Variants in PNPLA5 observed in about 807,000 individuals in gnomAD.
PNPLA5 encodes the protein patatin like domain 5, triacylglycerol lipase, also known as patatin-like phospholipase domain-containing protein 5.
Under a neutral mutation model 49.1 loss-of-function variants are expected in PNPLA5, and 44 were observed. That is an observed-to-expected ratio of 0.90 (90% confidence interval 0.70 to 1.15). The LOEUF (loss-of-function observed/expected upper bound fraction) is 1.15, where lower values mean the gene tolerates loss of function less well. Among genes scored for constraint, PNPLA5 ranks in the 50% most tolerant of loss-of-function variants. PNPLA5 has a pLI of 0.00. For missense variants in PNPLA5, 603 were observed against 564.0 expected (o/e 1.07, Z -0.70); for synonymous variants, 243 against 244.4 (o/e 0.99, Z 0.06).
rs2049701208 is a variant in PNPLA5 at position 43,889,546 on chromosome 22, T to C, written c.493-8A>G. The C allele has an allele frequency of 6.3e-7, 1 of 1,596,960 alleles. No individual in the cohort carries two copies. Among genetic ancestry groups the C allele is most frequent in the East Asian group, 2.2e-5 (1 of 44,662 alleles). On this transcript the variant is annotated splice_region_variant and splice_polypyrimidine_tract_variant and intron_variant, in intron 3 of 8. Coordinates refer to ENST00000216177, the MANE Select transcript of PNPLA5 (RefSeq NM_138814.4). ...AGCCCCATCGATGTAGCGCTGCAAT[T>C]TGTGGGGAGCAGGTGGGTGGTGCTG...
intron 3 of PNPLA5, 40 bp from the exon 4 acceptor site, chr22:43,889,578 C>A: frequency 6.4e-7 from 1 of 1,563,584 alleles, no homozygotes; most frequent in South Asian, 1.2e-5. Context: ...GCTGCCCTCT[C>A]AGAGGGCCTC....
chr22:43,888,384 G>GTGTC lies in PNPLA5; in HGVS notation c.703-734_703-733insGACA, dbSNP rs1372537975. 3.5e-5 allele frequency among the ~76,000 whole-genome samples: 4 copies of GTGTC among 114,968 alleles called. No individual in the cohort carries two copies. In the Admixed American group the frequency reaches 4.0e-4, roughly 12 times the overall value. 75.4% of individuals were successfully genotyped at this position (114,968 alleles called of 152,430 possible). A position where few individuals can be genotyped will look rare whatever the true frequency, so the allele number is the denominator to read the frequency against. On this transcript the variant is annotated intron_variant, in intron 4 of 8. Transcript: ENST00000216177. ...ATGGGGCAGAGGAGTGTGTGTGTGT[G>GTGTC]TGTGTGTGTGTGTGTGTGTGTGTGT...
In PNPLA5 at chr22:43,880,373, G is replaced by T. The variant is rs918060077; in HGVS notation, c.*422C>A. The T allele has an allele frequency of 2.3e-5, 9 of 398,560 alleles. No homozygotes were observed. Among genetic ancestry groups the T allele is most frequent in the Non-Finnish European group, 4.4e-6 (1 of 226,150 alleles). 24.7% of individuals were successfully genotyped at this position (398,560 alleles called of 1,614,324 possible). On this transcript the variant is annotated 3_prime_UTR_variant, in exon 9 of 9. Transcript: ENST00000216177. Reference sequence around the variant, plus strand: ...CTGCAGGACTGAGAAAGTCTGGGGGGAGCACCCCCACCCCATCATCTCAGT... The same window carrying T: ...CTGCAGGACTGAGAAAGTCTGGGGGTAGCACCCCCACCCCATCATCTCAGT...
chr22:43,887,759 C>T, intron 4 of PNPLA5, 108 bp from the exon 5 acceptor site: 1 of 1,533,874 alleles, frequency 6.5e-7, no homozygotes, highest in Non-Finnish European at 8.8e-7. Flanking sequence ...CCCAGCCCAG[C>T]CTATTCTCCC....
intron 4 of PNPLA5, among the ~76,000 whole-genome samples, chr22:43,888,764 T>C (rs1174605760): frequency 6.6e-6 from 1 of 152,190 alleles, no homozygotes; most frequent in Non-Finnish European, 1.5e-5. Flanking sequence ...AGTTGTCAAA[T>C]TATCTGTTTT....
chr22:43,881,205 A>G (rs778390080), intron 8 of PNPLA5, among the ~76,000 whole-genome samples: 11 of 152,220 alleles, frequency 7.2e-5, no homozygotes, highest in Non-Finnish European at 1.5e-4. Context: ...CAGACCACAC[A>G]CAGGGCCAGC....
chr22:43,891,570 G>A, intron 1 of PNPLA5, 118 bp downstream of exon 1: 2 of 1,349,116 alleles, frequency 1.5e-6, no homozygotes, highest in Non-Finnish European at 2.0e-6. Context: ...GGGATTAAAT[G>A]AGGCTGTGCC....
At chr22:43,885,650 C>T (rs912312098) in intron 6 of PNPLA5, among the ~76,000 whole-genome samples, 1 of 152,116 alleles carries the variant, frequency 6.6e-6, no homozygotes, top group African/African-American at 2.4e-5. Context: ...CTCAAAGTCA[C>T]CCCCCACCAT....
In PNPLA5 at chr22:43,887,583, C is replaced by A; in HGVS notation, c.763+8G>T. On this transcript the variant is annotated splice_region_variant and intron_variant, in intron 5 of 8. Transcript: ENST00000216177. Reference sequence around the variant, plus strand: ...ATGATCCCCAGCCACTGTGGGACTGCCACCTACCACGTCTCTCCAGGAACC... The same window carrying A: ...ATGATCCCCAGCCACTGTGGGACTGACACCTACCACGTCTCTCCAGGAACC... The A allele has an allele frequency of 6.2e-7, 1 of 1,609,810 alleles. No homozygotes were observed. The highest frequency in any genetic ancestry group is 8.5e-7 in the Non-Finnish European group (1 of 1,177,960).
intron 5 of PNPLA5, 30 bp from the exon 6 acceptor site, chr22:43,886,518 A>G: frequency 6.3e-7 from 1 of 1,589,738 alleles, no homozygotes. Flanking sequence ...AGGATAAGTC[A>G]AGCATCTGAG....
At position 43,891,258 on chromosome 22, in the gene PNPLA5, T is replaced by A; in HGVS notation, c.230A>T (p.Gln77Leu). Reference sequence around the variant, plus strand: ...GATGCTTAGGCTCAGCCGCTCCAACTGCCCAACCATGCCCAGGAGGTGGGA... The same window carrying A: ...GATGCTTAGGCTCAGCCGCTCCAACAGCCCAACCATGCCCAGGAGGTGGGA... ...CCSHLLGMVG[Q>L]LERLSLSILH... is the part of the protein sequence containing the mutation. Residue 77 changes from glutamine to leucine, a missense_variant, in exon 2 of 9, where the codon CAG becomes CTG. Physicochemically the swap from Gln to Leu is moderately radical, Grantham distance 113. Coordinates refer to ENST00000216177, the MANE Select transcript of PNPLA5 (RefSeq NM_138814.4). 6.4e-7 allele frequency: 1 copy of A among 1,554,850 alleles called. No homozygotes were observed. Among genetic ancestry groups the A allele is most frequent in the Non-Finnish European group, 8.7e-7 (1 of 1,149,336 alleles).
Position 43,880,378 on chromosome 22 carries a change from C to T in PNPLA5, c.*417G>A, listed in dbSNP as rs2049595788. The T allele has an allele frequency of 2.5e-6, 1 of 398,720 alleles. No homozygotes were observed. The highest frequency in any genetic ancestry group is 4.4e-6 in the Non-Finnish European group (1 of 226,174). The allele number at this position is 398,720 out of a possible 1,614,324, so 24.7% of individuals were successfully genotyped here. ...GGACTGAGAAAGTCTGGGGGGAGCA[C>T]CCCCACCCCATCATCTCAGTTGGCT... On this transcript the variant is annotated 3_prime_UTR_variant, in exon 9 of 9. Coordinates refer to ENST00000216177, the MANE Select transcript of PNPLA5 (RefSeq NM_138814.4).
intron 2 of PNPLA5, 103 bp from the exon 3 acceptor site, chr22:43,889,967 C>T: frequency 2.0e-6 from 3 of 1,515,494 alleles, no homozygotes; most frequent in Non-Finnish European, 2.7e-6. Flanking sequence ...AAGGAGGTGT[C>T]ATCAGTCCCA....
Position 43,889,623 on chromosome 22 carries a change from C to G in PNPLA5, c.493-85G>C, listed in dbSNP as rs950999572. ...CTGCAGCCGGTGACCCTCCAGCTGT[C>G]CCTGAGTCACCAGGGCCACTCCAGC... On this transcript the variant is annotated intron_variant, in intron 3 of 8. Transcript: ENST00000216177. 6.5e-6 allele frequency: 10 copies of G among 1,536,598 alleles called. No individual in the cohort carries two copies. The African/African-American group carries it at 1.4e-4, about 21-fold the overall frequency.
At chr22:43,887,836 C>T in intron 4 of PNPLA5, 185 bp from the exon 5 acceptor site, 7 of 902,212 alleles carry the variant, frequency 7.8e-6, no homozygotes, top group Non-Finnish European at 9.3e-6. Context: ...GCAGGAGGGG[C>T]CAGAGGCCTG....
Position 43,880,697 on chromosome 22 carries a change from A to G in PNPLA5, c.*98T>C, listed in dbSNP as rs2049599812. ...CTGCAGGGTCTCCACGGAGATTGGC[A>G]GGGCCTCTTCCCGCTGGGGCAGATG... On this transcript the variant is annotated 3_prime_UTR_variant, in exon 9 of 9. Transcript: ENST00000216177. 3 of 1,143,454 alleles carry G rather than the reference A, an allele frequency of 2.6e-6. No individual in the cohort carries two copies. Among genetic ancestry groups the G allele is most frequent in the Non-Finnish European group, 3.3e-6 (3 of 900,516 alleles). The allele number at this position is 1,143,454 out of a possible 1,614,324, so 70.8% of individuals were successfully genotyped here.
At chr22:43,889,885 A>G (rs2017461) in intron 2 of PNPLA5, 21 bp from the exon 3 acceptor site, 838,148 of 1,610,986 alleles carry the variant, frequency 0.52, 224,004 homozygotes, top group East Asian at 0.94. Flanking sequence ...AAGAGTCAGC[A>G]GGAACACAAC....
chr22:43,884,912 C>T (rs558149676), intron 6 of PNPLA5, among the ~76,000 whole-genome samples: 21 of 152,328 alleles, frequency 1.4e-4, no homozygotes, highest in Non-Finnish European at 2.1e-4. Context: ...CAGGCCACCA[C>T]GTCCACTCTG....
chr22:43,889,814 G>A lies in PNPLA5; in HGVS notation c.477C>T (p.Pro159=), dbSNP rs747656256. 2.2e-5 allele frequency: 36 copies of A among 1,606,796 alleles called. No homozygotes were observed. The highest frequency in any genetic ancestry group is 2.2e-4 in the South Asian group (20 of 90,452). The change falls in exon 3 of 9, where the codon CCC becomes CCT. Residue 159 remains proline, a synonymous_variant. Transcript: ENST00000216177. ...YFPFYCGLIP[P]EFRGERYIDG... ...GTGCACTCACCTCCCCTCTGAACTC[G>A]GGGGGGATCAGCCCGCAGTAGAAAG...
Sources: gnomAD v4.1 joint callset for allele counts (sites outside exome capture counted in the v4.1 genomes callset) on GRCh38, gnomAD v4.1.1 for gene constraint, MANE v1.5 for transcripts, NCBI Gene and HGNC (gene_info 2026-07-23, HGNC 2026-07-21) for gene names.